Variants in RGS10 observed in about 807,000 individuals in gnomAD.
RGS10 encodes the protein regulator of G-protein signalling 10.
A neutral mutation model predicts 23.5 loss-of-function variants in RGS10; 11 were observed. The observed-to-expected ratio is 0.47, with a 90% CI of 0.29 to 0.77. RGS10 has a LOEUF of 0.77. RGS10 is among the 30% of genes least tolerant of loss of function. RGS10 has a pLI of 0.08. For missense variants in RGS10, 180 were observed against 226.3 expected, an observed-to-expected ratio of 0.80 and a Z score of 1.31; for synonymous variants, 77 against 83.2, an observed-to-expected ratio of 0.92 and a Z score of 0.41.
intron 4 of RGS10, among the ~76,000 whole-genome samples, chr10:119,509,705 C>T (rs1353058733): frequency 6.6e-6 from 1 of 152,122 alleles, no homozygotes; most frequent in African/African-American, 2.4e-5. Context: ...GGGCATTGAA[C>T]GCTCATAGAC....
chr10:119,505,269 C>T (rs920583774), intron 4 of RGS10, among the ~76,000 whole-genome samples: 5 of 150,228 alleles, frequency 3.3e-5, no homozygotes, highest in Admixed American at 6.7e-5. Context: ...GTCCAACAAA[C>T]GGCTGCTGGT....
intron 3 of RGS10, 24 bp from the exon 4 acceptor site, chr10:119,515,676 G>C: frequency 6.2e-7 from 1 of 1,613,376 alleles, no homozygotes; most frequent in South Asian, 1.1e-5. Context: ...ATGGGGCCTT[G>C]TGCTATCTGC....
intron 4 of RGS10, among the ~76,000 whole-genome samples, chr10:119,513,456 T>C (rs7088764): frequency 0.14 from 21,951 of 151,488 alleles, 1,812 homozygotes; most frequent in South Asian, 0.3. Context: ...GGACATCCTG[T>C]CGCAAAAATA....
intron 3 of RGS10, among the ~76,000 whole-genome samples, chr10:119,521,692 T>A (rs1274084966): frequency 1.6e-5 from 2 of 124,048 alleles, no homozygotes; most frequent in Admixed American, 8.6e-5. Flanking sequence ...AGAAAATAGA[T>A]CCTATACTAT....
At chr10:119,534,248 C>A (rs915422247) in intron 1 of RGS10, among the ~76,000 whole-genome samples, 9 of 138,736 alleles carry the variant, frequency 6.5e-5, no homozygotes, top group African/African-American at 2.5e-4. Flanking sequence ...AAAACAAGAA[C>A]CTGTCTTAAA....
At chr10:119,509,181 T>A (rs1466909934) in intron 4 of RGS10, among the ~76,000 whole-genome samples, 1 of 152,176 alleles carries the variant, frequency 6.6e-6, no homozygotes, top group Non-Finnish European at 1.5e-5. Flanking sequence ...GCAGATCACT[T>A]GAGGTCAGGA....
At chr10:119,510,110 G>A (rs1802251110) in intron 4 of RGS10, among the ~76,000 whole-genome samples, 1 of 152,154 alleles carries the variant, frequency 6.6e-6, no homozygotes, top group African/African-American at 2.4e-5. Context: ...CAACTGGTAT[G>A]GGACGGGCAC....
chr10:119,507,231 A>T (rs1164371752), intron 4 of RGS10, among the ~76,000 whole-genome samples: 1 of 152,146 alleles, frequency 6.6e-6, no homozygotes, highest in Admixed American at 6.5e-5. Flanking sequence ...TAAGACTGAC[A>T]CATCCTAAGT....
chr10:119,512,673 G>A (rs565530818), intron 4 of RGS10, among the ~76,000 whole-genome samples: 5 of 151,916 alleles, frequency 3.3e-5, no homozygotes, highest in Non-Finnish European at 5.9e-5. Context: ...TCAGCCTCCC[G>A]AGTAACTGGG....
At chr10:119,542,362 C>T (rs1844442875) in intron 1 of RGS10, among the ~76,000 whole-genome samples, 1 of 152,254 alleles carries the variant, frequency 6.6e-6, no homozygotes, top group Non-Finnish European at 1.5e-5. Context: ...GCGGCTGTTC[C>T]TCTTTCAGCC....
rs1394131453 is a variant in RGS10 at position 119,515,605 on chromosome 10, C to T, written c.303G>A (p.Lys101=). Residue 101 remains lysine, a synonymous_variant, in exon 4 of 5, where the codon AAG becomes AAA. Transcript: ENST00000369103. The stretch of plus-strand genomic sequence containing the variant: ...CCTCCACGTTGACCTGTGATGAGGC[C>T]TTGCTGGACAGAAAGGTCATGTAGA... ...KEIYMTFLSS[K]ASSQVNVEGQ... is the part of the protein sequence containing the mutation. The T allele has an allele frequency of 1.2e-6, 2 of 1,614,038 alleles. No homozygotes were observed. Among genetic ancestry groups the T allele is most frequent in the African/African-American group, 2.7e-5 (2 of 74,910 alleles).
intron 4 of RGS10, among the ~76,000 whole-genome samples, chr10:119,500,949 G>A (rs954113738): frequency 5.3e-5 from 8 of 152,138 alleles, no homozygotes; most frequent in African/African-American, 1.9e-4. Flanking sequence ...ACACCCGACA[G>A]AGCTGAAGTG....
At chr10:119,506,509 G>T (rs1844014538) in intron 4 of RGS10, among the ~76,000 whole-genome samples, 1 of 152,232 alleles carries the variant, frequency 6.6e-6, no homozygotes, top group East Asian at 1.9e-4. Flanking sequence ...GGGTTCACGC[G>T]TGTGGCGGTC....
chr10:119,516,532 C>CTTT (rs1397841713), intron 3 of RGS10: 1 of 152,260 alleles, frequency 6.6e-6, no homozygotes, highest in African/African-American at 2.4e-5. Context: ...GACACATTGG[C>CTTT]CCCTCCAGGT....
chr10:119,512,099 A>G (rs1844083374), intron 4 of RGS10, among the ~76,000 whole-genome samples: 2 of 151,962 alleles, frequency 1.3e-5, no homozygotes, highest in African/African-American at 4.8e-5. Context: ...GAGCTGCCCT[A>G]CTAGAAGCTC....
chr10:119,542,472 G>A (rs1231962856), intron 1 of RGS10, 118 bp downstream of exon 1: 8 of 878,576 alleles, frequency 9.1e-6, no homozygotes, highest in East Asian at 3.3e-5. Flanking sequence ...GCGGTCGGCC[G>A]GGGCTCCAGT....
At chr10:119,508,282 G>A (rs1027553500) in intron 4 of RGS10, among the ~76,000 whole-genome samples, 3 of 152,192 alleles carry the variant, frequency 2.0e-5, no homozygotes, top group Admixed American at 1.3e-4. Flanking sequence ...TTATAGGCAT[G>A]AGCCACTGTG....
In RGS10 at chr10:119,542,713, G is replaced by C; in HGVS notation, c.-75C>G. 1 of 1,272,144 alleles carries C rather than the reference G, an allele frequency of 7.9e-7. No individual in the cohort carries two copies. Among genetic ancestry groups the C allele is most frequent in the African/African-American group, 1.6e-5 (1 of 64,196 alleles). 78.8% of individuals were successfully genotyped at this position (1,272,144 alleles called of 1,614,324 possible). On this transcript the variant is annotated 5_prime_UTR_variant, in exon 1 of 5. Coordinates refer to ENST00000369103, the MANE Select transcript of RGS10 (RefSeq NM_001005339.2). ...CTGAGCCGGAGGAAGGCGAGGAGGA[G>C]GAGGAGGGCGAGGAGGAGGAGGAGG... is the stretch of plus-strand genomic sequence containing the variant.
intron 1 of RGS10, chr10:119,536,402 C>T (rs558457389): frequency 1.7e-4 from 253 of 1,513,442 alleles, no homozygotes; most frequent in Non-Finnish European, 2.1e-4. Context: ...GCCCCTGCCC[C>T]GCCCAGGGCC....
Sources: gnomAD v4.1 joint callset for allele counts (sites outside exome capture counted in the v4.1 genomes callset) on GRCh38, gnomAD v4.1.1 for gene constraint, MANE v1.5 for transcripts, NCBI Gene and HGNC (gene_info 2026-07-23, HGNC 2026-07-21) for gene names.